Variants in ZHX1 observed in about 807,000 individuals in gnomAD.
ZHX1 encodes zinc fingers and homeoboxes protein 1.
ZHX1 carries 20 observed loss-of-function variants against 61.8 expected under a neutral mutation model. That is an observed-to-expected ratio of 0.32 (90% confidence interval 0.23 to 0.47). ZHX1 has a LOEUF of 0.47. Ranked by LOEUF, ZHX1 falls within the 20% of genes least tolerant of loss-of-function variation. The probability of loss-of-function intolerance (pLI) is 1.00; values close to 1 mark genes in which losing one functional copy is unlikely to be tolerated. For missense variants in ZHX1, 800 were observed against 1,034.8 expected, an observed-to-expected ratio of 0.77 and a Z score of 3.11; for synonymous variants, 318 against 352.6, an observed-to-expected ratio of 0.90 and a Z score of 1.10.
Position 123,253,941 on chromosome 8 carries a change from G to A in ZHX1, c.2006C>T (p.Pro669Leu). ...GSTGKICKKTPEQLHMLKSAF... is the reference protein window; with the variant it reads ...GSTGKICKKTLEQLHMLKSAF... Reference sequence around the variant, plus strand: ...ACTCTTAAGCATGTGCAGCTGCTCAGGTGTTTTTTTACATATCTTGCCTGT... The same window carrying A: ...ACTCTTAAGCATGTGCAGCTGCTCAAGTGTTTTTTTACATATCTTGCCTGT... Residue 669 changes from proline to leucine, a missense_variant, in exon 3 of 4, where the codon CCT (proline) becomes CTT (leucine). Coordinates refer to ENST00000395571, the MANE Select transcript of ZHX1 (RefSeq NM_007222.5). The A allele has an allele frequency of 6.2e-7, 1 of 1,614,122 alleles. No homozygotes were observed. Among genetic ancestry groups the A allele is most frequent in the Non-Finnish European group, 8.5e-7 (1 of 1,180,020 alleles).
At chr8:123,266,033 T>C (rs968850356) in intron 2 of ZHX1, among the ~76,000 whole-genome samples, 1 of 152,182 alleles carries the variant, frequency 6.6e-6, no homozygotes. Context: ...GTGAAATGTC[T>C]TTTTGAAAGG....
intron 1 of ZHX1, among the ~76,000 whole-genome samples, chr8:123,269,551 C>G (rs549653885): frequency 1.3e-5 from 2 of 152,054 alleles, no homozygotes; most frequent in African/African-American, 4.8e-5. Flanking sequence ...AGATGGATTA[C>G]AAAAAAAGAC....
At chr8:123,273,755 C>G (rs1673820431) in intron 1 of ZHX1, 1 of 152,562 alleles carries the variant, frequency 6.6e-6, no homozygotes, top group Non-Finnish European at 1.5e-5. Context: ...CTGACCTCCT[C>G]TAGGACTCCC....
intron 1 of ZHX1, among the ~76,000 whole-genome samples, chr8:123,269,762 A>C (rs1826584021): frequency 6.6e-6 from 1 of 152,248 alleles, no homozygotes; most frequent in Non-Finnish European, 1.5e-5. Flanking sequence ...AGTTTCTGGA[A>C]TATTCCTTGG....
chr8:123,265,138 G>A (rs1054250291), intron 2 of ZHX1, among the ~76,000 whole-genome samples: 4 of 149,370 alleles, frequency 2.7e-5, no homozygotes, highest in Non-Finnish European at 4.4e-5. Flanking sequence ...GCAGTAAGCC[G>A]AGATTGCGCC....
At chr8:123,269,354 A>C (rs1826568120) in intron 1 of ZHX1, among the ~76,000 whole-genome samples, 1 of 152,244 alleles carries the variant, frequency 6.6e-6, no homozygotes, top group South Asian at 2.1e-4. Context: ...TGAGCTCATC[A>C]GTGCTTTTGA....
chr8:123,274,480 C>G (rs2131235450), upstream of ZHX1: 1 of 152,124 alleles, frequency 6.6e-6, no homozygotes, highest in East Asian at 1.9e-4. Context: ...CCCTCCCGCG[C>G]GCGCGTCCTC....
Position 123,253,314 on chromosome 8 carries a change from T to TA in ZHX1, c.*3+7dup. 4.4e-6 allele frequency: 7 copies of TA among 1,579,948 alleles called. No individual in the cohort carries two copies. The highest frequency in any genetic ancestry group is 6.0e-6 in the Non-Finnish European group (7 of 1,168,696). Reference sequence around the variant, plus strand: ...CATATACGCAGATTAAAAATTTTCTTAACTTACATTTCAGTCATCTGATTT... The same window carrying TA: ...CATATACGCAGATTAAAAATTTTCTTAAACTTACATTTCAGTCATCTGATTT... On this transcript the variant is annotated splice_region_variant and intron_variant, in intron 3 of 3. Coordinates refer to ENST00000395571, the MANE Select transcript of ZHX1 (RefSeq NM_007222.5).
rs1475690443 is a variant in ZHX1 at position 123,249,834 on chromosome 8, A to AG, written c.*489dup. On this transcript the variant is annotated 3_prime_UTR_variant, in exon 4 of 4. Coordinates refer to ENST00000395571, the MANE Select transcript of ZHX1 (RefSeq NM_007222.5). ...GATAAATAAGACATAGTAATAAATCAGGGTTTTTTTTTTTTTTTTTTTTTT... is the reference window on the plus strand; with the variant it reads ...GATAAATAAGACATAGTAATAAATCAGGGGTTTTTTTTTTTTTTTTTTTTTT... 2 of 135,030 alleles carry AG rather than the reference A, an allele frequency of 1.5e-5. No homozygotes were observed. The highest frequency in any genetic ancestry group is 5.9e-5 in the African/African-American group (2 of 33,984). 8.4% of individuals were successfully genotyped at this position (135,030 alleles called of 1,614,324 possible).
At chr8:123,262,172 T>C (rs1335068624) in intron 2 of ZHX1, among the ~76,000 whole-genome samples, 2 of 152,258 alleles carry the variant, frequency 1.3e-5, no homozygotes, top group Non-Finnish European at 1.5e-5. Context: ...ATGCTGTCAA[T>C]GCATCCAGCA....
intron 2 of ZHX1, among the ~76,000 whole-genome samples, chr8:123,262,278 C>T (rs962159171): frequency 6.6e-6 from 1 of 152,110 alleles, no homozygotes; most frequent in Non-Finnish European, 1.5e-5. Flanking sequence ...AATTGCTATA[C>T]TGCCATTAAA....
At position 123,253,600 on chromosome 8, in the gene ZHX1, C is replaced by T; in HGVS notation, c.2347G>A (p.Ala783Thr). 1 of 1,614,184 alleles carries T rather than the reference C, an allele frequency of 6.2e-7. No homozygotes were observed. Among genetic ancestry groups the T allele is most frequent in the Non-Finnish European group, 8.5e-7 (1 of 1,180,010 alleles). Reference sequence around the variant, plus strand: ...TTCAGGTAATAATCCTTAAGTATTGCAGTTCCAGTTTTAAATTTTATGAGT... The same window carrying T: ...TTCAGGTAATAATCCTTAAGTATTGTAGTTCCAGTTTTAAATTTTATGAGT... ...PSLIKFKTGT[A>T]ILKDYYLKHK... Residue 783 changes from alanine to threonine, a missense_variant, in exon 3 of 4, where the codon GCA (alanine) becomes ACA (threonine). Transcript: ENST00000395571.
chr8:123,254,651 A>G lies in ZHX1; in HGVS notation c.1296T>C (p.Pro432=). Residue 432 remains proline (P), a synonymous_variant, in exon 3 of 4, where the codon CCT becomes CCC. Coordinates refer to ENST00000395571, the MANE Select transcript of ZHX1 (RefSeq NM_007222.5). This position sits in a 1 kb window ranked among gnomAD's most constrained non-coding sequence, Gnocchi z 4.1. ...TTGTTTCTGCAGTAGGCTGAGCAGC[A>G]GGTACCTGACTTTTCTGTATATTAT... ...SQNNIQKSQV[P]AAQPTAETKP... 9.9e-6 allele frequency: 16 copies of G among 1,614,174 alleles called. No individual in the cohort carries two copies. The highest frequency in any genetic ancestry group is 1.4e-5 in the Non-Finnish European group (16 of 1,180,014).
chr8:123,271,578 G>GC (rs1826654868), intron 1 of ZHX1, among the ~76,000 whole-genome samples: 1 of 152,052 alleles, frequency 6.6e-6, no homozygotes. Context: ...TTTCATTTAA[G>GC]TATTAAGTTA....
At chr8:123,263,623 G>C (rs1042393050) in intron 2 of ZHX1, among the ~76,000 whole-genome samples, 1 of 152,108 alleles carries the variant, frequency 6.6e-6, no homozygotes, top group African/African-American at 2.4e-5. Flanking sequence ...ATTGAGGTCA[G>C]AAGTTCGAGA....
Position 123,253,692 on chromosome 8 carries a change from C to A in ZHX1, c.2255G>T (p.Gly752Val), listed in dbSNP as rs1825981571. ...AGGCCGCCCACGCGGTCTTCCTCTT[C>A]CCCGTCCTTTGGGTCTCCCTCTCCC... ...KRGRGRPKGR[G>V]RGRPRGRPRG... is the part of the protein sequence containing the mutation. The change falls in exon 3 of 4, where the codon GGA becomes GTA. Residue 752 changes from glycine to valine, a missense_variant. By Grantham distance (109) the Gly-to-Val change is moderately radical (BLOSUM62 -3). Transcript: ENST00000395571. 6.2e-7 allele frequency: 1 copy of A among 1,614,214 alleles called. No homozygotes were observed. The highest frequency in any genetic ancestry group is 1.1e-5 in the South Asian group (1 of 91,082).
intron 2 of ZHX1, among the ~76,000 whole-genome samples, chr8:123,265,646 T>C (rs887112485): frequency 3.3e-5 from 5 of 152,196 alleles, no homozygotes; most frequent in South Asian, 2.1e-4. Context: ...AATTAGGAAT[T>C]TGACAACACA....
At chr8:123,251,347 C>A (rs56799031) in intron 3 of ZHX1, among the ~76,000 whole-genome samples, 9,029 of 152,084 alleles carry the variant, frequency 0.059, 871 homozygotes, top group African/African-American at 0.21. Context: ...AGTCTCAGGT[C>A]GTTCTTTATA....
At chr8:123,263,819 A>G (rs1006174191) in intron 2 of ZHX1, among the ~76,000 whole-genome samples, 8 of 151,918 alleles carry the variant, frequency 5.3e-5, no homozygotes, top group Non-Finnish European at 8.8e-5. Context: ...GGGCGACAGA[A>G]GAAGACTCCG....
Sources: gnomAD v4.1 joint callset for allele counts (sites outside exome capture counted in the v4.1 genomes callset) on GRCh38, gnomAD v4.1.1 for gene constraint, Gnocchi (gnomAD v3.1) non-coding constraint, MANE v1.5 for transcripts, NCBI Gene and HGNC (gene_info 2026-07-23, HGNC 2026-07-21) for gene names.